The following USH2A variants were observed in gnomAD, a reference collection of about 807,000 sequenced individuals.
The protein encoded by USH2A is usherin.
USH2A carries 443 observed loss-of-function variants against 538.9 expected under a neutral mutation model. That is an observed-to-expected ratio of 0.82 (90% CI 0.76 to 0.89). The LOEUF (loss-of-function observed/expected upper bound fraction) is 0.89, where lower values mean the gene tolerates loss of function less well. USH2A is among the 40% of genes least tolerant of loss of function. The probability of loss-of-function intolerance (pLI) is 0.00; values close to 1 mark genes in which losing one functional copy is unlikely to be tolerated. For missense variants in USH2A, 6,633 were observed against 6,324.8 expected (o/e 1.05, Z -1.65); for synonymous variants, 2,413 against 2,273.5 (o/e 1.06, Z -1.75).
chr1:216,246,515 GGGAGAAGTTACCTAA>G, intron 13 of USH2A, 55 bp downstream of exon 13: 2 of 1,607,252 alleles, frequency 1.2e-6, no homozygotes, highest in Non-Finnish European at 1.7e-6. Flanking sequence ...ACCAGAAACA[GGGAGAAGTTACCTAA>G]GTTAACAAAA....
chr1:216,010,680 T>G lies in USH2A; in HGVS notation c.6326-10118A>C, dbSNP rs4655290. 2.6e-5 allele frequency among the ~76,000 whole-genome samples: 4 copies of G among 151,016 alleles called. 1 individual carries two copies. The East Asian group carries it at 7.9e-4, about 30-fold the overall frequency. Reference sequence around the variant, plus strand: ...CAGGCTTCTAAACCTCTTAAAACTCTCCAACTCTGGTGCCAACATAGACAA... The same window carrying G: ...CAGGCTTCTAAACCTCTTAAAACTCGCCAACTCTGGTGCCAACATAGACAA... On this transcript the variant is annotated intron_variant, in intron 32 of 71. Transcript: ENST00000307340.
At chr1:215,789,785 GC>G (rs1661928246) in intron 51 of USH2A, among the ~76,000 whole-genome samples, 1 of 152,042 alleles carries the variant, frequency 6.6e-6, no homozygotes, top group African/African-American at 2.4e-5. Flanking sequence ...ACCTGTGCTG[GC>G]TCTTTCAGTG....
intron 32 of USH2A, among the ~76,000 whole-genome samples, chr1:216,006,484 C>A (rs895172149): frequency 6.6e-6 from 1 of 152,144 alleles, no homozygotes; most frequent in African/African-American, 2.4e-5. Flanking sequence ...ATCCCAGTTC[C>A]CACTTCTGGA....
At chr1:216,076,409 T>G (rs911809287) in intron 27 of USH2A, among the ~76,000 whole-genome samples, 2 of 152,158 alleles carry the variant, frequency 1.3e-5, no homozygotes, top group Non-Finnish European at 2.9e-5. Flanking sequence ...AAACTTCTGT[T>G]ATTATCTTAC....
chr1:215,925,346 TA>T (rs1006778789), intron 38 of USH2A, among the ~76,000 whole-genome samples: 2 of 152,176 alleles, frequency 1.3e-5, no homozygotes, highest in African/African-American at 4.8e-5. Flanking sequence ...AAATACTTTT[TA>T]TTTGTTGAAT....
chr1:216,242,568 T>G (rs1460010213), intron 13 of USH2A, among the ~76,000 whole-genome samples: 1 of 151,918 alleles, frequency 6.6e-6, no homozygotes, highest in Non-Finnish European at 1.5e-5. Flanking sequence ...AATGACTAGT[T>G]TTAGATAATA....
chr1:215,709,856 T>C (rs1659288229), intron 61 of USH2A, among the ~76,000 whole-genome samples: 1 of 152,348 alleles, frequency 6.6e-6, no homozygotes, highest in South Asian at 2.1e-4. Flanking sequence ...CCAGTTACAC[T>C]GTTTCATTTA....
rs995537756 is a variant in USH2A at position 216,321,985 on chromosome 1, A to G, written c.1551-9T>C. The G allele has an allele frequency of 3.1e-6, 5 of 1,613,658 alleles. No homozygotes were observed. Among genetic ancestry groups the G allele is most frequent in the Non-Finnish European group, 3.4e-6 (4 of 1,179,770 alleles). ...GACCATGGCACTGACATCTGCAAAC[A>G]TGAGCATCACACACTCCTAAGGAAC... On this transcript the variant is annotated splice_polypyrimidine_tract_variant and intron_variant, in intron 8 of 71. Coordinates refer to ENST00000307340, the MANE Select transcript of USH2A (RefSeq NM_206933.4).
intron 35 of USH2A, among the ~76,000 whole-genome samples, chr1:215,987,896 A>G (rs1216802675): frequency 6.6e-6 from 1 of 152,198 alleles, no homozygotes; most frequent in Non-Finnish European, 1.5e-5. Flanking sequence ...TGTTTAAAAA[A>G]TGCATACTTC....
chr1:215,774,142 A>G (rs1661387451), intron 55 of USH2A, among the ~76,000 whole-genome samples: 1 of 152,146 alleles, frequency 6.6e-6, no homozygotes, highest in Admixed American at 6.5e-5. Flanking sequence ...TATGAACTGA[A>G]CATCAAAACA....
At chr1:216,123,178 T>C (rs1487066812) in intron 21 of USH2A, among the ~76,000 whole-genome samples, 2 of 152,326 alleles carry the variant, frequency 1.3e-5, no homozygotes, top group East Asian at 3.9e-4. Context: ...CTTAAAAAAA[T>C]CTTTCTTCTT....
At chr1:215,818,684 A>G (rs1662926711) in intron 47 of USH2A, among the ~76,000 whole-genome samples, 2 of 151,848 alleles carry the variant, frequency 1.3e-5, no homozygotes, top group Non-Finnish European at 2.9e-5. Flanking sequence ...AAATGAGGTC[A>G]TAACATAAAG....
At chr1:215,702,141 T>C (rs1437390478) in intron 61 of USH2A, among the ~76,000 whole-genome samples, 1 of 152,212 alleles carries the variant, frequency 6.6e-6, no homozygotes, top group Non-Finnish European at 1.5e-5. Context: ...ATGTTGAATA[T>C]TGGCCCCCAC....
At chr1:215,893,544 C>T (rs1665256491) in intron 40 of USH2A, among the ~76,000 whole-genome samples, 2 of 152,218 alleles carry the variant, frequency 1.3e-5, no homozygotes, top group African/African-American at 4.8e-5. Flanking sequence ...ATATACTTTT[C>T]CTGCTAAAGT....
intron 9 of USH2A, among the ~76,000 whole-genome samples, chr1:216,310,891 T>G (rs1260962530): frequency 1.3e-5 from 2 of 152,188 alleles, no homozygotes; most frequent in African/African-American, 2.4e-5. Flanking sequence ...CTGCTGTTTT[T>G]CTTGTGGACA....
intron 46 of USH2A, among the ~76,000 whole-genome samples, chr1:215,839,545 A>C (rs1663618957): frequency 6.6e-6 from 1 of 152,158 alleles, no homozygotes; most frequent in Non-Finnish European, 1.5e-5. Flanking sequence ...AGGTATATTC[A>C]AATGTTTCTC....
intron 11 of USH2A, among the ~76,000 whole-genome samples, chr1:216,254,177 C>T (rs1207534219): frequency 1.3e-5 from 2 of 152,032 alleles, no homozygotes; most frequent in African/African-American, 4.8e-5. Context: ...ATTATAATTT[C>T]TGTATATTAA....
chr1:215,710,477 T>TA (rs1372145368), intron 61 of USH2A, among the ~76,000 whole-genome samples: 2 of 152,146 alleles, frequency 1.3e-5, no homozygotes, highest in African/African-American at 4.8e-5. Flanking sequence ...AACTCTTTCT[T>TA]ATGTACATCT....
Position 215,648,611 on chromosome 1 carries a change from G to C in USH2A, c.14499C>G (p.Ser4833=). 1.2e-6 allele frequency: 2 copies of C among 1,614,224 alleles called. No individual in the cohort carries two copies. Among genetic ancestry groups the C allele is most frequent in the Non-Finnish European group, 1.7e-6 (2 of 1,180,028 alleles). ...AGGCCAGCGTCCCGATTTGTGGAGA[G>C]GACAGTCCTGAGGGTGGGGCAGGAT... The part of the protein sequence containing the change: ...RTHPAPPSGL[S]SPQIGTLASR... The change falls in exon 66 of 72, where the codon TCC becomes TCG. Residue 4833 remains serine (S), a synonymous_variant. Transcript: ENST00000307340.
Sources: gnomAD v4.1 joint callset for allele counts (sites outside exome capture counted in the v4.1 genomes callset) on GRCh38, gnomAD v4.1.1 for gene constraint, MANE v1.5 for transcripts, NCBI Gene and HGNC (gene_info 2026-07-23, HGNC 2026-07-21) for gene names.